The following SEPTIN5 variants were observed in gnomAD, a reference collection of about 807,000 sequenced individuals.
The protein encoded by SEPTIN5 is septin-5.
Under a neutral mutation model 51.2 loss-of-function variants are expected in SEPTIN5, and 16 were observed. The observed-to-expected ratio is 0.31, with a 90% CI of 0.21 to 0.47. The LOEUF (loss-of-function observed/expected upper bound fraction) is 0.47, where lower values mean the gene tolerates loss of function less well. Ranked by LOEUF, SEPTIN5 falls within the 20% of genes least tolerant of loss-of-function variation. SEPTIN5 has a pLI of 0.99. For missense variants in SEPTIN5, 376 were observed against 500.3 expected (o/e 0.75, Z 2.37); for synonymous variants, 208 against 191.2 (o/e 1.09, Z -0.72).
rs754792029 is a variant in SEPTIN5 at position 19,717,938 on chromosome 22, G to A, written c.55-1664G>A. On this transcript the variant is annotated intron_variant, in intron 2 of 11. Coordinates refer to ENST00000455784, the MANE Select transcript of SEPTIN5 (RefSeq NM_002688.6). ...CACACAAACGCGCGCACGCACGCACGCACGCACGGGGGAGGTCAGCCCCAA... is the reference window on the plus strand; with the variant it reads ...CACACAAACGCGCGCACGCACGCACACACGCACGGGGGAGGTCAGCCCCAA... The A allele has an allele frequency of 4.3e-4, 67 of 157,062 alleles. No homozygotes were observed. The Middle Eastern group carries it at 0.013, about 30-fold the overall frequency. The allele number at this position is 157,062 out of a possible 1,614,324, so 9.7% of individuals were successfully genotyped here. A position where few individuals can be genotyped will look rare whatever the true frequency, so the allele number is the denominator to read the frequency against.
rs1281074718 is a variant in SEPTIN5, at chr22:19,719,906, A to G, written c.238+14A>G. On this transcript the variant is annotated intron_variant, in intron 4 of 11. Coordinates refer to ENST00000455784, the MANE Select transcript of SEPTIN5 (RefSeq NM_002688.6). ...TCAGTGCTGAGGGTGAGTGGCCCCC[A>G]GGAGGCCCTGGCACTGATCCCCAGT... 6.2e-7 allele frequency: 1 copy of G among 1,612,182 alleles called. No homozygotes were observed. Among genetic ancestry groups the G allele is most frequent in the Non-Finnish European group, 8.5e-7 (1 of 1,179,784 alleles).
rs1377659957 is a variant in SEPTIN5, at chr22:19,720,407, C to T, written c.450C>T (p.Asp150=). ...ESGLNRKNIQ[D]NRVHCCLYFI... ...GCCTCAACCGAAAGAACATCCAAGACAACCGAGTGCACTGCTGCCTATACT... is the reference window on the plus strand; with the variant it reads ...GCCTCAACCGAAAGAACATCCAAGATAACCGAGTGCACTGCTGCCTATACT... Residue 150 remains aspartate (D), a synonymous_variant, in exon 6 of 12, where the codon GAC becomes GAT. Transcript: ENST00000455784. 2 of 1,614,044 alleles carry T rather than the reference C, an allele frequency of 1.2e-6. No homozygotes were observed. Among genetic ancestry groups the T allele is most frequent in the Admixed American group, 1.7e-5 (1 of 60,022 alleles).
At chr22:19,716,618 G>A (rs930838370) in intron 2 of SEPTIN5, among the ~76,000 whole-genome samples, 2 of 152,214 alleles carry the variant, frequency 1.3e-5, no homozygotes, top group Non-Finnish European at 2.9e-5. Flanking sequence ...GGCTCCCCCA[G>A]GGAATCCACA....
Position 19,720,125 on chromosome 22 carries a change from C to A in SEPTIN5, c.249C>A (p.Ser83Arg), listed in dbSNP as rs1423997560. Residue 83 changes from serine to arginine, a missense_variant, in exon 5 of 12, where the codon AGC becomes AGA. Coordinates refer to ENST00000455784, the MANE Select transcript of SEPTIN5 (RefSeq NM_002688.6). Reference sequence around the variant, plus strand: ...GCCCCTTCCCCGTAGAGCGCATCAGCCAGACGGTAGAGATTCTAAAACACA... The same window carrying A: ...GCCCCTTCCCCGTAGAGCGCATCAGACAGACGGTAGAGATTCTAAAACACA... ...RKLLSAEERI[S>R]QTVEILKHTV... is the part of the protein sequence containing the mutation. 1 of 1,612,990 alleles carries A rather than the reference C, an allele frequency of 6.2e-7. No individual in the cohort carries two copies. The highest frequency in any genetic ancestry group is 1.3e-5 in the African/African-American group (1 of 74,920).
At chr22:19,722,020 A>G (rs919897052) in intron 10 of SEPTIN5, 63 bp downstream of exon 10, 7 of 1,555,962 alleles carry the variant, frequency 4.5e-6, no homozygotes, top group Non-Finnish European at 6.1e-6. Context: ...TCCATAACTG[A>G]GGGCCGGTCC....
chr22:19,720,010 G>A, intron 4 of SEPTIN5, 105 bp from the exon 5 acceptor site: 5 of 1,602,034 alleles, frequency 3.1e-6, no homozygotes, highest in Middle Eastern at 2.0e-4. Flanking sequence ...TGGGTCCCCT[G>A]GGGGTAGGGC....
rs2145794414 is a variant in SEPTIN5, at chr22:19,723,076, C to A, written c.*592C>A. ...CTTACACCCCTTCTCCACAGCCCGG[C>A]CCGACCTGGAGGGCCCCCGGGGCAC... On this transcript the variant is annotated 3_prime_UTR_variant, in exon 12 of 12. Transcript: ENST00000455784. The A allele has an allele frequency of 3.8e-6, 2 of 521,268 alleles. No individual in the cohort carries two copies. The highest frequency in any genetic ancestry group is 1.9e-5 in the African/African-American group (1 of 53,600). The allele number at this position is 521,268 out of a possible 1,614,324, so 32.3% of individuals were successfully genotyped here. A position where few individuals can be genotyped will look rare whatever the true frequency, so the allele number is the denominator to read the frequency against.
intron 2 of SEPTIN5, among the ~76,000 whole-genome samples, chr22:19,716,863 G>A (rs1323378758): frequency 6.6e-6 from 1 of 152,180 alleles, no homozygotes; most frequent in Non-Finnish European, 1.5e-5. Flanking sequence ...TGTCTGGGTG[G>A]GTGCTGGGCT....
Position 19,714,546 on chromosome 22 carries a change from C to T in SEPTIN5, c.-43C>T. ...GGCCTCCGCCGCTTGTCGTCGCGCC[C>T]CGCCCGCGAGCCCGCCCCGCACGTC... On this transcript the variant is annotated 5_prime_UTR_variant, in exon 1 of 12. Transcript: ENST00000455784. This position sits in a 1 kb window ranked among gnomAD's most constrained non-coding sequence, Gnocchi z 5.2. 1 of 1,333,610 alleles carries T rather than the reference C, an allele frequency of 7.5e-7. No homozygotes were observed. Among genetic ancestry groups the T allele is most frequent in the Non-Finnish European group, 9.6e-7 (1 of 1,041,432 alleles). The allele number at this position is 1,333,610 out of a possible 1,614,324, so 82.6% of individuals were successfully genotyped here.
intron 2 of SEPTIN5, chr22:19,718,404 C>A: frequency 3.8e-6 from 4 of 1,042,386 alleles, no homozygotes; most frequent in South Asian, 4.4e-5. Context: ...CGGGCGGGGC[C>A]GTCTCTGCCG....
At chr22:19,717,348 G>A (rs1351276090) in intron 2 of SEPTIN5, 1 of 470,402 alleles carries the variant, frequency 2.1e-6, no homozygotes, top group Non-Finnish European at 4.4e-6. Flanking sequence ...CCACAGAGCG[G>A]AGCTCGGGAG....
At chr22:19,719,115 C>G (rs939546262) in intron 2 of SEPTIN5, 43 of 296,510 alleles carry the variant, frequency 1.5e-4, no homozygotes, top group Non-Finnish European at 2.2e-4. Flanking sequence ...GCGCCGCGGT[C>G]TATAAATAGG....
chr22:19,719,548 A>C, intron 2 of SEPTIN5, 54 bp from the exon 3 acceptor site: 1 of 1,421,880 alleles, frequency 7.0e-7, no homozygotes, highest in Non-Finnish European at 9.8e-7. Flanking sequence ...GAGACAGGGT[A>C]TTGGGCTTCT....
chr22:19,722,945 G>A lies in SEPTIN5; in HGVS notation c.*461G>A. 2.3e-6 allele frequency: 1 copy of A among 441,960 alleles called. No individual in the cohort carries two copies. Among genetic ancestry groups the A allele is most frequent in the South Asian group, 2.1e-5 (1 of 47,976 alleles). The allele number at this position is 441,960 out of a possible 1,614,324, so 27.4% of individuals were successfully genotyped here. A position where few individuals can be genotyped will look rare whatever the true frequency, so the allele number is the denominator to read the frequency against. On this transcript the variant is annotated 3_prime_UTR_variant, in exon 12 of 12. Transcript: ENST00000455784. ...CCCATTTTCTGTCGAGGCGGGCCGAGTCTTCCCTTATCCCCAGACGCCTAG... is the reference window on the plus strand; with the variant it reads ...CCCATTTTCTGTCGAGGCGGGCCGAATCTTCCCTTATCCCCAGACGCCTAG...
Position 19,722,513 on chromosome 22 carries a change from C to T in SEPTIN5, c.*29C>T, listed in dbSNP as rs1376493934. 3.2e-6 allele frequency: 5 copies of T among 1,571,752 alleles called. No individual in the cohort carries two copies. Among genetic ancestry groups the T allele is most frequent in the Admixed American group, 1.8e-5 (1 of 54,756 alleles). ...TCGCCGCGGACACACCGTCCGTCTC[C>T]GGGACGCCCTCGCACCCCTGGACAC... On this transcript the variant is annotated 3_prime_UTR_variant, in exon 12 of 12. Transcript: ENST00000455784.
Position 19,714,523 on chromosome 22 carries a change from C to T in SEPTIN5, c.-66C>T. 1 of 1,198,838 alleles carries T rather than the reference C, an allele frequency of 8.3e-7. No homozygotes were observed. Among genetic ancestry groups the T allele is most frequent in the Non-Finnish European group, 1.1e-6 (1 of 942,128 alleles). The allele number at this position is 1,198,838 out of a possible 1,614,324, so 74.3% of individuals were successfully genotyped here. A position where few individuals can be genotyped will look rare whatever the true frequency, so the allele number is the denominator to read the frequency against. On this transcript the variant is annotated 5_prime_UTR_variant, in exon 1 of 12. Coordinates refer to ENST00000455784, the MANE Select transcript of SEPTIN5 (RefSeq NM_002688.6). The surrounding 1 kb of genome is among the most constrained non-coding windows in gnomAD (Gnocchi z 5.2). ...CGCTCACCCCGCAGCCCGGCCTCGGCCTCCGCCGCTTGTCGTCGCGCCCCG... is the reference window on the plus strand; with the variant it reads ...CGCTCACCCCGCAGCCCGGCCTCGGTCTCCGCCGCTTGTCGTCGCGCCCCG...
At chr22:19,717,589 T>TG in intron 2 of SEPTIN5, 1 of 312,836 alleles carries the variant, frequency 3.2e-6, no homozygotes, top group South Asian at 2.4e-5. Context: ...TTCAGCAGGC[T>TG]GGCGGGGGCT....
rs1601243336 is a variant in SEPTIN5 at position 19,720,869 on chromosome 22, G to A, written c.717G>A (p.Lys239=). ...TCAAGCAGCAGGACCGGGAACTGAA[G>A]GTGAACATGCAGACTGGTGGGGCAG... ...EDFKQQDREL[K]ESAPFAVIGS... is the part of the protein sequence containing the mutation. Residue 239 remains lysine, a splice_region_variant and synonymous_variant, in exon 8 of 12, where the codon AAG becomes AAA. Transcript: ENST00000455784. The A allele has an allele frequency of 1.2e-6, 2 of 1,613,202 alleles. No homozygotes were observed. Among genetic ancestry groups the A allele is most frequent in the Non-Finnish European group, 1.7e-6 (2 of 1,179,528 alleles).
At chr22:19,720,714 A>T in intron 7 of SEPTIN5, 48 bp downstream of exon 7, 1 of 1,612,024 alleles carries the variant, frequency 6.2e-7, no homozygotes, top group Non-Finnish European at 8.5e-7. Flanking sequence ...TGGGGCTGAG[A>T]GTACCAGGGG....
Sources: gnomAD v4.1 joint callset for allele counts (sites outside exome capture counted in the v4.1 genomes callset) on GRCh38, gnomAD v4.1.1 for gene constraint, Gnocchi (gnomAD v3.1) non-coding constraint, MANE v1.5 for transcripts, NCBI Gene and HGNC (gene_info 2026-07-23, HGNC 2026-07-21) for gene names.